Variants in RAB38 observed in about 807,000 individuals in gnomAD.
RAB38 encodes the protein RAB38, member RAS oncogene family, also known as ras-related protein Rab-38.
Under a neutral mutation model 18.4 loss-of-function variants are expected in RAB38, and 15 were observed. The ratio of observed to expected loss-of-function variants is 0.82; its 90% CI spans 0.55 to 1.26. RAB38 has a LOEUF of 1.26. RAB38 is among the 50% of genes most tolerant of loss of function. The pLI, the probability that RAB38 is intolerant of heterozygous loss-of-function variation, is 0.00. For synonymous variants in RAB38, 101 were observed against 104.4 expected, an observed-to-expected ratio of 0.97 and a Z score of 0.20; for missense variants, 294 against 267.4, an observed-to-expected ratio of 1.10 and a Z score of -0.69.
At chr11:87,953,815 C>A in the RAB38 span, among the ~76,000 whole-genome samples, 1 of 150,304 alleles carries the variant, frequency 6.7e-6, no homozygotes, top group Admixed American at 6.6e-5. Flanking sequence ...TCTTTAAATG[C>A]TTGCCTTTTT....
chr11:87,807,580 T>C, the RAB38 span, among the ~76,000 whole-genome samples: 1 of 152,180 alleles, frequency 6.6e-6, no homozygotes. Flanking sequence ...AATATAAAAA[T>C]TGTTTTTGTT....
chr11:87,807,305 A>C, the RAB38 span, among the ~76,000 whole-genome samples: 3 of 152,222 alleles, frequency 2.0e-5, no homozygotes, highest in African/African-American at 7.2e-5. Context: ...TTGAGATTTA[A>C]AGTTTTCCAC....
chr11:87,974,364 A>G, the RAB38 span, among the ~76,000 whole-genome samples: 1 of 151,880 alleles, frequency 6.6e-6, no homozygotes, highest in African/African-American at 2.4e-5. Flanking sequence ...AGAAAAAAAA[A>G]ATCATAGGTT....
chr11:88,008,098 A>C, the RAB38 span, among the ~76,000 whole-genome samples: 2 of 152,180 alleles, frequency 1.3e-5, no homozygotes, highest in African/African-American at 2.4e-5. Flanking sequence ...GTGGGCATGG[A>C]AACTTTCAGA....
chr11:87,819,610 C>T, the RAB38 span, among the ~76,000 whole-genome samples: 1 of 150,806 alleles, frequency 6.6e-6, no homozygotes, highest in Non-Finnish European at 1.5e-5. Flanking sequence ...CTCAAAAGTA[C>T]CTGAACTTTT....
chr11:87,806,352 C>T, the RAB38 span, among the ~76,000 whole-genome samples: 2 of 152,090 alleles, frequency 1.3e-5, no homozygotes, highest in African/African-American at 4.8e-5. Context: ...GTTTTTGCTT[C>T]ATAGGTGGCA....
chr11:88,012,346 G>A, the RAB38 span, among the ~76,000 whole-genome samples: 1 of 152,162 alleles, frequency 6.6e-6, no homozygotes, highest in African/African-American at 2.4e-5. Context: ...AAGGCCAGCA[G>A]CAGGAAAAGA....
chr11:88,046,502 C>T, the RAB38 span, among the ~76,000 whole-genome samples: 2 of 152,172 alleles, frequency 1.3e-5, no homozygotes, highest in African/African-American at 4.8e-5. Context: ...CTTGTACTGA[C>T]CCTGACACCC....
chr11:88,052,349 G>C, the RAB38 span, among the ~76,000 whole-genome samples: 1 of 152,178 alleles, frequency 6.6e-6, no homozygotes, highest in Non-Finnish European at 1.5e-5. Context: ...CCCAAAAAGT[G>C]AAGAGGAAGA....
At chr11:87,819,115 C>G in the RAB38 span, among the ~76,000 whole-genome samples, 1 of 152,330 alleles carries the variant, frequency 6.6e-6, no homozygotes, top group Middle Eastern at 3.4e-3. Flanking sequence ...GTTCTATTTA[C>G]AGCAGCCCCT....
the RAB38 span, among the ~76,000 whole-genome samples, chr11:87,844,108 TC>T: frequency 1.3e-5 from 2 of 152,344 alleles, no homozygotes; most frequent in Middle Eastern, 3.4e-3. Flanking sequence ...CTACAGCTAC[TC>T]CTTTGCGTTT....
At chr11:88,026,502 G>T in the RAB38 span, among the ~76,000 whole-genome samples, 1 of 144,674 alleles carries the variant, frequency 6.9e-6, no homozygotes, top group Admixed American at 7.2e-5. Context: ...GGCGGAGGTT[G>T]CAGTGAGCCA....
the RAB38 span, among the ~76,000 whole-genome samples, chr11:87,965,434 C>T: frequency 7.9e-5 from 12 of 152,246 alleles, no homozygotes; most frequent in African/African-American, 1.9e-4. Context: ...TATCGCTCTT[C>T]GATGACGACT....
the RAB38 span, among the ~76,000 whole-genome samples, chr11:88,016,095 C>T: frequency 6.6e-6 from 1 of 152,162 alleles, no homozygotes; most frequent in Non-Finnish European, 1.5e-5. Context: ...CCACTGAATG[C>T]CAGCTTCCTT....
At chr11:88,128,609 C>T (rs35482438) in intron 2 of RAB38, among the ~76,000 whole-genome samples, 36,966 of 152,102 alleles carry the variant, frequency 0.24, 4,590 homozygotes, top group Non-Finnish European at 0.28. Flanking sequence ...TTAATTTTTC[C>T]TACCTGCCCT....
chr11:87,916,955 C>G, the RAB38 span, among the ~76,000 whole-genome samples: 1 of 152,068 alleles, frequency 6.6e-6, no homozygotes, highest in Non-Finnish European at 1.5e-5. Context: ...GGATTACTTA[C>G]AAATCCCAGA....
chr11:88,004,139 T>C, the RAB38 span, among the ~76,000 whole-genome samples: 1 of 146,992 alleles, frequency 6.8e-6, no homozygotes. Flanking sequence ...AAAATACTGA[T>C]AAAATATTAC....
the RAB38 span, among the ~76,000 whole-genome samples, chr11:87,833,241 C>CT: frequency 1.3e-5 from 2 of 152,100 alleles, no homozygotes; most frequent in Non-Finnish European, 2.9e-5. Flanking sequence ...CTTCTTTAGC[C>CT]TTTTTTTGTT....
chr11:88,021,589 T>C, the RAB38 span, among the ~76,000 whole-genome samples: 2 of 148,942 alleles, frequency 1.3e-5, no homozygotes, highest in South Asian at 2.2e-4. Flanking sequence ...TATTTATTTA[T>C]TTATTTATTT....
Sources: gnomAD v4.1 joint callset for allele counts (sites outside exome capture counted in the v4.1 genomes callset) on GRCh38, gnomAD v4.1.1 for gene constraint, MANE v1.5 for transcripts, NCBI Gene and HGNC (gene_info 2026-07-23, HGNC 2026-07-21) for gene names.